The following HHAT variants were observed in gnomAD, a reference collection of about 807,000 sequenced individuals.
The protein encoded by HHAT is hedgehog acyltransferase.
Under a neutral mutation model 70.8 loss-of-function variants are expected in HHAT, and 47 were observed. The ratio of observed to expected loss-of-function variants is 0.66; its 90% CI spans 0.53 to 0.85. The LOEUF (loss-of-function observed/expected upper bound fraction) is 0.85. HHAT is among the 40% of genes least tolerant of loss of function. The pLI is 0.00. For synonymous variants in HHAT, 228 were observed against 247.6 expected, an observed-to-expected ratio of 0.92 and a Z score of 0.74; for missense variants, 609 against 604.8, an observed-to-expected ratio of 1.01 and a Z score of -0.07.
intron 7 of HHAT, among the ~76,000 whole-genome samples, chr1:210,430,606 A>G (rs151229616): frequency 2.0e-5 from 3 of 152,058 alleles, no homozygotes; most frequent in Non-Finnish European, 2.9e-5. Context: ...CACTATGAGT[A>G]GTTTCAAAAT....
upstream of HHAT, among the ~76,000 whole-genome samples, chr1:210,327,587 C>A (rs607410): frequency 0.044 from 6,631 of 152,118 alleles, 445 homozygotes; most frequent in African/African-American, 0.14. Context: ...CTCACTGCAA[C>A]CTCTGCCGCC....
intron 10 of HHAT, among the ~76,000 whole-genome samples, chr1:210,601,050 C>T (rs1364234519): frequency 3.3e-5 from 5 of 151,912 alleles, no homozygotes; most frequent in African/African-American, 7.3e-5. Flanking sequence ...TGAAAACCAC[C>T]GAGAATCAGT....
At chr1:210,374,038 A>C (rs2089864409) in intron 3 of HHAT, 1 of 152,228 alleles carries the variant, frequency 6.6e-6, no homozygotes, top group Non-Finnish European at 1.5e-5. Flanking sequence ...ACAAGAGTTA[A>C]CTGTCTTTGC....
intron 9 of HHAT, among the ~76,000 whole-genome samples, chr1:210,577,994 A>G (rs541629192): frequency 2.0e-5 from 3 of 152,162 alleles, no homozygotes; most frequent in East Asian, 1.9e-4. Flanking sequence ...GTATAGGGTA[A>G]TGATGGCCTC....
rs73079521 is a variant in HHAT, at chr1:210,534,892, A to G, written c.1043+21704A>G. Among the ~76,000 whole-genome samples, 1,292 of 152,216 alleles carry G rather than the reference A, an allele frequency of 8.5e-3. 26 individuals are homozygous for G. The highest frequency in any genetic ancestry group is 0.03 in the African/African-American group (1,229 of 41,526). On this transcript the variant is annotated intron_variant, in intron 9 of 11. Coordinates refer to ENST00000261458, the MANE Select transcript of HHAT (RefSeq NM_018194.6). ...AGTGCTAAGATACCTATAGAATTGTACCTCCTGTGTCTAACTTTCTGGCCT... is the reference window on the plus strand; with the variant it reads ...AGTGCTAAGATACCTATAGAATTGTGCCTCCTGTGTCTAACTTTCTGGCCT...
intron 9 of HHAT, among the ~76,000 whole-genome samples, chr1:210,569,373 C>CAAAAAAAAAAAAAAAAAA (rs71146233): frequency 0.024 from 668 of 28,332 alleles, 224 homozygotes; most frequent in Non-Finnish European, 0.029. Context: ...GAGTCTGCCT[C>CAAAAAAAAAAAAAAAAAA]AAAAAAAAAA....
chr1:210,466,145 T>TTG (rs2094103170), intron 8 of HHAT, among the ~76,000 whole-genome samples: 1 of 151,224 alleles, frequency 6.6e-6, no homozygotes. Flanking sequence ...TTGCAAGGAA[T>TTG]CGCAAGGAAT....
At chr1:210,594,974 A>T (rs55700065) in intron 10 of HHAT, among the ~76,000 whole-genome samples, 145,716 of 151,528 alleles carry the variant, frequency 0.96, 70,304 homozygotes, top group East Asian at 1. Flanking sequence ...TCTTTTTTTT[A>T]AATTAATTTA....
intron 7 of HHAT, among the ~76,000 whole-genome samples, chr1:210,454,628 C>T (rs963815484): frequency 1.3e-5 from 2 of 152,188 alleles, no homozygotes; most frequent in Non-Finnish European, 2.9e-5. Context: ...TATTACTTTG[C>T]TTCTGCTGTG....
chr1:210,543,357 T>C (rs1195175047), intron 9 of HHAT, among the ~76,000 whole-genome samples: 1 of 152,082 alleles, frequency 6.6e-6, no homozygotes, highest in Non-Finnish European at 1.5e-5. Context: ...TTTCTTTTTT[T>C]TTTTCCTTCT....
intron 2 of HHAT, among the ~76,000 whole-genome samples, chr1:210,350,479 A>G (rs2086916371): frequency 6.6e-6 from 1 of 152,062 alleles, no homozygotes; most frequent in Non-Finnish European, 1.5e-5. Flanking sequence ...CCTGATATAG[A>G]TCTTATACAT....
intron 8 of HHAT, among the ~76,000 whole-genome samples, chr1:210,490,745 G>A (rs908901082): frequency 6.6e-6 from 1 of 152,132 alleles, no homozygotes; most frequent in Non-Finnish European, 1.5e-5. Context: ...TTTAACCTGG[G>A]TGTCATGTCT....
At chr1:210,347,444 G>A (rs957335200) in intron 1 of HHAT, among the ~76,000 whole-genome samples, 2 of 152,310 alleles carry the variant, frequency 1.3e-5, no homozygotes, top group East Asian at 1.9e-4. Flanking sequence ...GTTGGTGGGA[G>A]GTGCTGCTTA....
chr1:210,377,557 C>T (rs919012522), intron 3 of HHAT, among the ~76,000 whole-genome samples: 2 of 152,186 alleles, frequency 1.3e-5, no homozygotes, highest in East Asian at 3.8e-4. Context: ...TCTTGCTCTC[C>T]TGCATAATCC....
chr1:210,640,571 C>T (rs1294394269), intron 11 of HHAT, among the ~76,000 whole-genome samples: 2 of 151,932 alleles, frequency 1.3e-5, no homozygotes, highest in Non-Finnish European at 2.9e-5. Context: ...ATAAACCCAT[C>T]AGAACACTAA....
chr1:210,340,767 T>A (rs2085972075), intron 1 of HHAT, among the ~76,000 whole-genome samples: 1 of 152,220 alleles, frequency 6.6e-6, no homozygotes, highest in South Asian at 2.1e-4. Context: ...TCTATTACAT[T>A]TAGACCACTT....
intron 11 of HHAT, among the ~76,000 whole-genome samples, chr1:210,666,216 A>G (rs1678862981): frequency 6.6e-6 from 1 of 152,220 alleles, no homozygotes. Context: ...TAGCTCAGAC[A>G]CAATTCAGCA....
chr1:210,386,347 T>A (rs1050007229), intron 3 of HHAT, among the ~76,000 whole-genome samples: 18 of 144,328 alleles, frequency 1.2e-4, no homozygotes, highest in African/African-American at 4.6e-4. Context: ...CACGCCATTC[T>A]CCTGCCTCAG....
chr1:210,438,541 T>C (rs2093432483), intron 7 of HHAT, among the ~76,000 whole-genome samples: 1 of 151,762 alleles, frequency 6.6e-6, no homozygotes, highest in Non-Finnish European at 1.5e-5. Context: ...TGCTCATACT[T>C]ATTAAGGCAT....
Sources: gnomAD v4.1 joint callset for allele counts (sites outside exome capture counted in the v4.1 genomes callset) on GRCh38, gnomAD v4.1.1 for gene constraint, MANE v1.5 for transcripts, NCBI Gene and HGNC (gene_info 2026-07-23, HGNC 2026-07-21) for gene names.